The following CDYL variants were observed in gnomAD, a reference collection of about 807,000 sequenced individuals.
CDYL encodes the protein chromodomain Y like, also known as chromodomain Y-like protein.
CDYL carries 8 observed loss-of-function variants against 47.3 expected under a neutral mutation model. The ratio of observed to expected loss-of-function variants is 0.17; its 90% confidence interval spans 0.10 to 0.31. CDYL has a LOEUF of 0.31. Ranked by LOEUF, CDYL falls within the 10% of genes least tolerant of loss-of-function variation. The pLI is 1.00. For missense variants in CDYL, 471 were observed against 701.4 expected (o/e 0.67, Z 3.71); for synonymous variants, 266 against 265.0 (o/e 1.00, Z -0.04).
chr6:4,714,180 CCA>C (rs1019283008), intron 1 of CDYL: 5 of 151,456 alleles, frequency 3.3e-5, no homozygotes, highest in African/African-American at 1.2e-4. Context: ...TAGACTGACT[CCA>C]CAGTCCATGT....
chr6:4,761,714 A>G (rs1359596781), intron 3 of CDYL, among the ~76,000 whole-genome samples: 1 of 152,214 alleles, frequency 6.6e-6, no homozygotes, highest in Non-Finnish European at 1.5e-5. Context: ...ACCTACTCTA[A>G]TTAGCAAAAT....
chr6:4,922,860 GCGT>G (rs1254402478), intron 2 of CDYL, among the ~76,000 whole-genome samples: 3 of 152,178 alleles, frequency 2.0e-5, no homozygotes, highest in African/African-American at 7.2e-5. Context: ...GCCTCGGGGT[GCGT>G]CTGATCACAC....
At chr6:4,730,674 C>CAAA (rs56956798) in intron 2 of CDYL, among the ~76,000 whole-genome samples, 20 of 60,446 alleles carry the variant, frequency 3.3e-4, no homozygotes, top group South Asian at 6.2e-4. Context: ...AATTCCATCT[C>CAAA]AAAAAAAAAA....
chr6:4,828,812 T>C, intron 1 of CDYL, among the ~76,000 whole-genome samples: 1 of 152,190 alleles, frequency 6.6e-6, no homozygotes, highest in East Asian at 1.9e-4. Context: ...TTTTCTTTAC[T>C]TTCTACTTTT....
At chr6:4,868,253 C>T (rs1260912782) in intron 1 of CDYL, among the ~76,000 whole-genome samples, 2 of 151,994 alleles carry the variant, frequency 1.3e-5, no homozygotes, top group African/African-American at 4.8e-5. Context: ...CTACAATTTT[C>T]TCTAAGCACT....
At chr6:4,804,570 C>T (rs115998227) in intron 1 of CDYL, among the ~76,000 whole-genome samples, 33 of 152,300 alleles carry the variant, frequency 2.2e-4, no homozygotes, top group African/African-American at 7.2e-4. Context: ...AAACGATGGC[C>T]TTGGAGGCTT....
At chr6:4,780,068 G>A (rs940418089) in intron 1 of CDYL, among the ~76,000 whole-genome samples, 2 of 152,112 alleles carry the variant, frequency 1.3e-5, no homozygotes, top group Non-Finnish European at 2.9e-5. Context: ...AAGCCCTGCT[G>A]TAGGTGATCA....
At chr6:4,948,034 TG>T (rs766090777) in intron 5 of CDYL, among the ~76,000 whole-genome samples, 20 of 152,276 alleles carry the variant, frequency 1.3e-4, no homozygotes, top group Admixed American at 2.0e-4. Flanking sequence ...CAGACTCCCA[TG>T]GTAGAGTCAT....
intron 3 of CDYL, 76 bp from the exon 4 acceptor site, chr6:4,937,489 C>G (rs1051741121): frequency 4.2e-6 from 5 of 1,178,328 alleles, no homozygotes; most frequent in East Asian, 3.0e-5. Context: ...GAGTGAGACT[C>G]TCTCCAAAAA....
chr6:4,738,371 T>A (rs1005547788), intron 3 of CDYL, among the ~76,000 whole-genome samples: 7 of 144,402 alleles, frequency 4.8e-5, no homozygotes, highest in Admixed American at 7.3e-5. Context: ...CAAGTGAGAC[T>A]CTGTCTCAGA....
chr6:4,885,747 C>CT (rs1761883792), intron 1 of CDYL, among the ~76,000 whole-genome samples: 1 of 152,130 alleles, frequency 6.6e-6, no homozygotes, highest in Non-Finnish European at 1.5e-5. Context: ...CTTTAAACTG[C>CT]TTTTTTGAGA....
intron 5 of CDYL, among the ~76,000 whole-genome samples, chr6:4,947,832 C>T (rs1758576421): frequency 6.6e-6 from 1 of 152,106 alleles, no homozygotes; most frequent in African/African-American, 2.4e-5. Context: ...ACGGCGGTTC[C>T]CGGTGCCCCA....
chr6:4,760,864 T>C (rs937334102), intron 3 of CDYL, among the ~76,000 whole-genome samples: 2 of 152,066 alleles, frequency 1.3e-5, no homozygotes, highest in Admixed American at 6.6e-5. Context: ...TTTTTTTTTT[T>C]TTCTGGGATT....
At chr6:4,777,025 G>GT (rs1222391936) in intron 1 of CDYL, among the ~76,000 whole-genome samples, 1 of 142,086 alleles carries the variant, frequency 7.0e-6, no homozygotes. Flanking sequence ...GCGTGGGGTG[G>GT]GGGGGGGGGT....
chr6:4,803,255 C>G (rs1759276621), intron 1 of CDYL, among the ~76,000 whole-genome samples: 1 of 152,160 alleles, frequency 6.6e-6, no homozygotes, highest in Admixed American at 6.5e-5. Flanking sequence ...TTCTTCTGCT[C>G]CCATCCATCA....
intron 1 of CDYL, chr6:4,714,860 T>A (rs1046851593): frequency 6.6e-6 from 1 of 152,198 alleles, no homozygotes; most frequent in African/African-American, 2.4e-5. Context: ...GTTGTCTGTA[T>A]TGACAAGCAG....
intron 2 of CDYL, among the ~76,000 whole-genome samples, chr6:4,929,872 T>C (rs1341093): frequency 0.69 from 103,932 of 150,678 alleles, 36,265 homozygotes; most frequent in Middle Eastern, 0.88. Flanking sequence ...TTTCCCACTT[T>C]TTTGCTTATC....
At chr6:4,933,388 C>T (rs114175604) in intron 2 of CDYL, among the ~76,000 whole-genome samples, 3,208 of 152,330 alleles carry the variant, frequency 0.021, 109 homozygotes, top group African/African-American at 0.073. Flanking sequence ...GGAAGCCCCT[C>T]TTCCGCTCCC....
chr6:4,718,218 A>T (rs1757306037), intron 2 of CDYL, among the ~76,000 whole-genome samples: 2 of 152,052 alleles, frequency 1.3e-5, no homozygotes, highest in Admixed American at 1.3e-4. Context: ...ATAATTTATT[A>T]TTTCATTTTT....
Sources: allele counts gnomAD v4.1 joint callset (sites outside exome capture counted in the v4.1 genomes callset), GRCh38; gene constraint gnomAD v4.1.1; transcripts MANE v1.5; gene names NCBI Gene and HGNC (gene_info 2026-07-23, HGNC 2026-07-21).